RICTOR: variants seen among roughly 807,000 people sequenced by gnomAD.
The protein encoded by RICTOR is RPTOR independent companion of MTOR complex 2, also known as rapamycin-insensitive companion of mTOR.
A neutral mutation model predicts 214.9 loss-of-function variants in RICTOR; 49 were observed. The observed-to-expected ratio is 0.23, with a 90% CI of 0.18 to 0.29. The LOEUF (loss-of-function observed/expected upper bound fraction) is 0.29. RICTOR is among the 10% of genes least tolerant of loss of function. The pLI, the probability that RICTOR is intolerant of heterozygous loss-of-function variation, is 1.00. For synonymous variants in RICTOR, 717 were observed against 711.3 expected, an observed-to-expected ratio of 1.01 and a Z score of -0.13; for missense variants, 1,625 against 2,047.0, an observed-to-expected ratio of 0.79 and a Z score of 3.98.
intron 2 of RICTOR, among the ~76,000 whole-genome samples, chr5:39,069,718 A>G (rs1759169234): frequency 6.6e-6 from 1 of 152,346 alleles, no homozygotes; most frequent in South Asian, 2.1e-4. Flanking sequence ...GCCATGGTCC[A>G]GTCTTCTATC....
At chr5:38,948,710 T>C (rs1748439639) in intron 31 of RICTOR, among the ~76,000 whole-genome samples, 1 of 152,104 alleles carries the variant, frequency 6.6e-6, no homozygotes, top group African/African-American at 2.4e-5. Context: ...TCCCTGGCTT[T>C]GTCCTGGACA....
intron 4 of RICTOR, 95 bp downstream of exon 4, chr5:39,003,463 G>A: frequency 1.4e-6 from 1 of 726,990 alleles, no homozygotes; most frequent in South Asian, 2.0e-5. Flanking sequence ...AATCAAATAT[G>A]AGGTGCTGTA....
At chr5:38,962,193 TGAA>T (rs1749852710) in intron 19 of RICTOR, 119 bp downstream of exon 19, 5 of 422,168 alleles carry the variant, frequency 1.2e-5, no homozygotes, top group Non-Finnish European at 2.2e-5. Flanking sequence ...GAGTACCTAT[TGAA>T]GAGACATTGT....
At chr5:39,018,195 A>C (rs1187422465) in intron 3 of RICTOR, among the ~76,000 whole-genome samples, 1 of 152,084 alleles carries the variant, frequency 6.6e-6, no homozygotes, top group South Asian at 2.1e-4. Flanking sequence ...AAACTCAAGA[A>C]TTCTGGGCTG....
intron 7 of RICTOR, among the ~76,000 whole-genome samples, chr5:38,990,321 A>G (rs1316630650): frequency 1.3e-5 from 2 of 151,716 alleles, no homozygotes; most frequent in Non-Finnish European, 2.9e-5. Flanking sequence ...GGAGAGGAAC[A>G]TCACACACCG....
At chr5:39,027,469 T>C (rs1755923690) in intron 2 of RICTOR, among the ~76,000 whole-genome samples, 1 of 152,056 alleles carries the variant, frequency 6.6e-6, no homozygotes, top group Non-Finnish European at 1.5e-5. Context: ...TAAGTAAAAA[T>C]GGAAAAAGCA....
rs768313748 is a variant in RICTOR, at chr5:38,990,903, TC to T, written c.583+45del. 14 of 1,302,454 alleles carry T rather than the reference TC, an allele frequency of 1.1e-5. No individual in the cohort carries two copies. The African/African-American group carries it at 2.1e-4, about 19-fold the overall frequency. 80.7% of individuals were successfully genotyped at this position (1,302,454 alleles called of 1,614,324 possible). On this transcript the variant is annotated intron_variant, in intron 7 of 37. Coordinates refer to ENST00000357387, the MANE Select transcript of RICTOR (RefSeq NM_152756.5). ...ATATATATATCTCAAATGTTATATA[TC>T]CTTTCTAAAATATTACATTTTCATT...
rs549736310 is a variant in RICTOR at position 38,995,685 on chromosome 5, T to C, written c.456+1134A>G. Among the ~76,000 whole-genome samples, 315 of 152,266 alleles carry C rather than the reference T, an allele frequency of 2.1e-3. 1 individual carries two copies. Among genetic ancestry groups the C allele is most frequent in the Middle Eastern group, 0.01 (3 of 294 alleles). ...CCCTAACATTATAAATACTGACATA[T>C]AACCCAAATAACCAAAAAATTGTTC... On this transcript the variant is annotated intron_variant, in intron 6 of 37. Coordinates refer to ENST00000357387, the MANE Select transcript of RICTOR (RefSeq NM_152756.5).
Position 39,066,024 on chromosome 5 carries a change from TG to T in RICTOR, c.97+8086del, listed in dbSNP as rs534308214. ...CTAGGCAGTGCCCCACTGGGGACTCTGGGGGGCTCCAACCCCACATTTCCCC... is the reference window on the plus strand; with the variant it reads ...CTAGGCAGTGCCCCACTGGGGACTCTGGGGGCTCCAACCCCACATTTCCCC... On this transcript the variant is annotated intron_variant, in intron 2 of 37. Coordinates refer to ENST00000357387, the MANE Select transcript of RICTOR (RefSeq NM_152756.5). Among the ~76,000 whole-genome samples, 1,321 of 152,334 alleles carry T rather than the reference TG, an allele frequency of 8.7e-3. 7 individuals carry two copies. The highest frequency in any genetic ancestry group is 0.014 in the Non-Finnish European group (960 of 68,010).
intron 2 of RICTOR, among the ~76,000 whole-genome samples, chr5:39,026,932 C>T (rs188464077): frequency 2.1e-4 from 32 of 151,984 alleles, no homozygotes; most frequent in Non-Finnish European, 3.4e-4. Flanking sequence ...CACTTGAACC[C>T]GGGAAACGGA....
At chr5:38,989,164 T>C (rs1188708073) in intron 7 of RICTOR, among the ~76,000 whole-genome samples, 1 of 152,010 alleles carries the variant, frequency 6.6e-6, no homozygotes, top group Non-Finnish European at 1.5e-5. Context: ...CCAAAACAGA[T>C]ACATAGGCCA....
chr5:39,034,586 T>C (rs1359782639), intron 2 of RICTOR, among the ~76,000 whole-genome samples: 2 of 152,330 alleles, frequency 1.3e-5, no homozygotes, highest in East Asian at 3.9e-4. Flanking sequence ...GGGTGACAGA[T>C]GGCACCTGGA....
intron 34 of RICTOR, 85 bp downstream of exon 34, chr5:38,945,406 G>C (rs535222707): frequency 1.1e-6 from 1 of 895,516 alleles, no homozygotes; most frequent in South Asian, 1.6e-5. Context: ...CTCTGAATTA[G>C]AATACCAAAA....
At chr5:38,980,235 A>T (rs1579983356) in intron 8 of RICTOR, among the ~76,000 whole-genome samples, 1 of 151,542 alleles carries the variant, frequency 6.6e-6, no homozygotes, top group East Asian at 1.9e-4. Flanking sequence ...GTTTCTATGG[A>T]TTGTTTTTTT....
intron 2 of RICTOR, among the ~76,000 whole-genome samples, chr5:39,055,303 T>C (rs1403339194): frequency 1.3e-5 from 2 of 152,140 alleles, no homozygotes; most frequent in Admixed American, 6.5e-5. Flanking sequence ...GTCTCGTTGA[T>C]AGTCACATTT....
chr5:39,006,541 A>AATTT (rs1485971092), intron 3 of RICTOR, among the ~76,000 whole-genome samples: 3 of 151,814 alleles, frequency 2.0e-5, no homozygotes, highest in Non-Finnish European at 4.4e-5. Context: ...ATACAGTATA[A>AATTT]AGCAACCAAA....
intron 5 of RICTOR, 75 bp from the exon 6 acceptor site, chr5:38,996,957 G>A: frequency 1.0e-6 from 1 of 952,584 alleles, no homozygotes; most frequent in Non-Finnish European, 1.7e-6. Context: ...ACTGATAGAT[G>A]AAACCCATTT....
intron 7 of RICTOR, among the ~76,000 whole-genome samples, chr5:38,990,614 T>C (rs71588474): frequency 0.94 from 94,761 of 100,996 alleles, 44,531 homozygotes; most frequent in East Asian, 0.99. Context: ...ATGATATATA[T>C]ACGATATATG....
chr5:39,038,998 C>T (rs974715683), intron 2 of RICTOR, among the ~76,000 whole-genome samples: 31 of 152,060 alleles, frequency 2.0e-4, no homozygotes, highest in African/African-American at 7.2e-4. Context: ...AAAAAGAGCC[C>T]GCATTGCCAG....
Sources: allele counts gnomAD v4.1 joint callset (sites outside exome capture counted in the v4.1 genomes callset), GRCh38; gene constraint gnomAD v4.1.1; transcripts MANE v1.5; gene names NCBI Gene and HGNC (gene_info 2026-07-23, HGNC 2026-07-21).